The following SLC35F4 variants were observed in gnomAD, a reference collection of about 807,000 sequenced individuals.
SLC35F4 encodes the protein chromosome 14 open reading frame 36.
Under a neutral mutation model 44.2 loss-of-function variants are expected in SLC35F4, and 24 were observed. The ratio of observed to expected loss-of-function variants is 0.54; its 90% CI spans 0.39 to 0.76. The LOEUF (loss-of-function observed/expected upper bound fraction) is 0.76, where lower values mean the gene tolerates loss of function less well. SLC35F4 is among the 30% of genes least tolerant of loss of function. The probability of loss-of-function intolerance (pLI) is 0.00; values close to 1 mark genes in which losing one functional copy is unlikely to be tolerated. For missense variants in SLC35F4, 562 were observed against 586.1 expected, an observed-to-expected ratio of 0.96 and a Z score of 0.42; for synonymous variants, 238 against 223.6, an observed-to-expected ratio of 1.06 and a Z score of -0.57.
At chr14:57,944,241 GA>G (rs1304760506) in intron 1 of SLC35F4, among the ~76,000 whole-genome samples, 3 of 151,696 alleles carry the variant, frequency 2.0e-5, no homozygotes, top group Non-Finnish European at 4.4e-5. Context: ...TTTTCACCAA[GA>G]AAACAAACAC....
At chr14:57,638,003 T>C (rs1187769769) in intron 1 of SLC35F4, among the ~76,000 whole-genome samples, 1 of 152,132 alleles carries the variant, frequency 6.6e-6, no homozygotes, top group African/African-American at 2.4e-5. Context: ...TAACAAATTA[T>C]AAACGAGACC....
intron 1 of SLC35F4, among the ~76,000 whole-genome samples, chr14:57,672,790 T>A (rs1378240566): frequency 6.6e-6 from 1 of 151,986 alleles, no homozygotes; most frequent in Non-Finnish European, 1.5e-5. Context: ...TTTATTTTTT[T>A]TTTTTCACTT....
chr14:57,736,021 C>T (rs77592524), intron 1 of SLC35F4, among the ~76,000 whole-genome samples: 4,029 of 152,244 alleles, frequency 0.026, 81 homozygotes, highest in Middle Eastern at 0.054. Context: ...GGCTAGACTC[C>T]ACCTCTTAAT....
chr14:57,959,854 A>G (rs961968797), intron 1 of SLC35F4, among the ~76,000 whole-genome samples: 1 of 151,990 alleles, frequency 6.6e-6, no homozygotes, highest in Non-Finnish European at 1.5e-5. Flanking sequence ...TATTAATAAG[A>G]CTCTTCCAGG....
At chr14:57,598,687 T>G (rs1188613973) in intron 1 of SLC35F4, among the ~76,000 whole-genome samples, 1 of 152,182 alleles carries the variant, frequency 6.6e-6, no homozygotes, top group Non-Finnish European at 1.5e-5. Flanking sequence ...GCCTTACCAT[T>G]GGCTTTTATC....
chr14:57,608,439 T>TTA lies in SLC35F4; in HGVS notation c.104-14316_104-14315insTA, dbSNP rs764986841. On this transcript the variant is annotated intron_variant, in intron 1 of 7. Transcript: ENST00000556826. Reference sequence around the variant, plus strand: ...AAGCCAGAGAAAGAATGGATGCTTTTATCAGCCAAGGAATGCCAAAGATTG... The same window carrying TTA: ...AAGCCAGAGAAAGAATGGATGCTTTTTAATCAGCCAAGGAATGCCAAAGATTG... 1.6e-4 allele frequency among the ~76,000 whole-genome samples: 25 copies of TTA among 152,260 alleles called. 1 individual carries two copies. The highest frequency in any genetic ancestry group is 1.5e-3 in the South Asian group (7 of 4,824).
chr14:57,653,574 T>C (rs1438518504), intron 1 of SLC35F4, among the ~76,000 whole-genome samples: 1 of 152,172 alleles, frequency 6.6e-6, no homozygotes, highest in Non-Finnish European at 1.5e-5. Context: ...TGACATACTT[T>C]CTATCACCAC....
chr14:57,599,595 A>T (rs961080891), intron 1 of SLC35F4, among the ~76,000 whole-genome samples: 1 of 152,050 alleles, frequency 6.6e-6, no homozygotes, highest in African/African-American at 2.4e-5. Context: ...TAATCCCAGC[A>T]CTTTGGGAAG....
chr14:57,952,980 T>C (rs903831074), intron 1 of SLC35F4, among the ~76,000 whole-genome samples: 3 of 151,214 alleles, frequency 2.0e-5, no homozygotes, highest in East Asian at 2.0e-4. Context: ...CAAAGACACA[T>C]GATCATCAGA....
intron 1 of SLC35F4, among the ~76,000 whole-genome samples, chr14:57,802,419 C>A (rs963566914): frequency 6.6e-6 from 1 of 151,340 alleles, no homozygotes; most frequent in Non-Finnish European, 1.5e-5. Context: ...AACTAGAGAA[C>A]CGAGAGCAAA....
intron 1 of SLC35F4, among the ~76,000 whole-genome samples, chr14:57,839,239 G>A (rs1273224711): frequency 6.6e-6 from 1 of 152,080 alleles, no homozygotes; most frequent in Non-Finnish European, 1.5e-5. Flanking sequence ...ACCAAGATAG[G>A]TCAAATATTA....
At chr14:57,722,298 G>A (rs2076104200) in intron 1 of SLC35F4, among the ~76,000 whole-genome samples, 1 of 152,186 alleles carries the variant, frequency 6.6e-6, no homozygotes, top group Admixed American at 6.5e-5. Flanking sequence ...CCCACTGTGA[G>A]TGAGCTGGAA....
At chr14:57,921,806 C>T (rs1234683575) in intron 1 of SLC35F4, among the ~76,000 whole-genome samples, 1 of 152,204 alleles carries the variant, frequency 6.6e-6, no homozygotes, top group East Asian at 1.9e-4. Context: ...GAACTAATTA[C>T]ATCTGCAATG....
intron 1 of SLC35F4, among the ~76,000 whole-genome samples, chr14:57,646,924 G>A (rs1000746232): frequency 6.6e-6 from 1 of 152,172 alleles, no homozygotes; most frequent in Non-Finnish European, 1.5e-5. Context: ...CCATGTAGTT[G>A]AGCGGTTTTG....
intron 1 of SLC35F4, among the ~76,000 whole-genome samples, chr14:57,702,331 T>TAAAAAAAA (rs5808935): frequency 7.3e-6 from 1 of 136,588 alleles, no homozygotes; most frequent in African/African-American, 2.7e-5. Flanking sequence ...TCATTTTCTT[T>TAAAAAAAA]AAAAAAAAAA....
intron 1 of SLC35F4, among the ~76,000 whole-genome samples, chr14:57,626,646 G>A (rs2072489242): frequency 6.6e-6 from 1 of 152,088 alleles, no homozygotes; most frequent in Non-Finnish European, 1.5e-5. Flanking sequence ...TCGATAGCAC[G>A]CAGTAATTGC....
intron 1 of SLC35F4, among the ~76,000 whole-genome samples, chr14:57,796,745 T>C (rs980023809): frequency 6.6e-6 from 1 of 152,156 alleles, no homozygotes; most frequent in Non-Finnish European, 1.5e-5. Context: ...CCATAGCAGA[T>C]GGAAGGAAAC....
At chr14:57,977,392 A>G (rs972875047) in intron 1 of SLC35F4, among the ~76,000 whole-genome samples, 9 of 152,144 alleles carry the variant, frequency 5.9e-5, no homozygotes, top group Non-Finnish European at 1.3e-4. Flanking sequence ...GACAAGACCC[A>G]ATAGGAGAAT....
chr14:57,612,999 A>G (rs763449044), intron 1 of SLC35F4, among the ~76,000 whole-genome samples: 1 of 152,226 alleles, frequency 6.6e-6, no homozygotes, highest in Non-Finnish European at 1.5e-5. Context: ...ATAGAGACGT[A>G]CTGATGGTAA....
Sources: allele counts gnomAD v4.1 joint callset (sites outside exome capture counted in the v4.1 genomes callset), GRCh38; gene constraint gnomAD v4.1.1; transcripts MANE v1.5; gene names NCBI Gene and HGNC (gene_info 2026-07-23, HGNC 2026-07-21).